NDUFS4: variants seen among roughly 807,000 people sequenced by gnomAD.
NDUFS4 encodes the protein NADH dehydrogenase [ubiquinone] iron-sulfur protein 4, mitochondrial.
In NDUFS4, 28 loss-of-function variants were observed where a neutral mutation model predicts 24.3. The observed-to-expected ratio is 1.15, with a 90% CI of 0.85 to 1.58. NDUFS4 has a LOEUF of 1.58. NDUFS4 is among the 40% of genes most tolerant of loss of function. The probability of loss-of-function intolerance (pLI) is 0.00; values close to 1 mark genes in which losing one functional copy is unlikely to be tolerated. For missense variants in NDUFS4, 223 were observed against 207.9 expected, an observed-to-expected ratio of 1.07 and a Z score of -0.45; for synonymous variants, 93 against 69.7, an observed-to-expected ratio of 1.34 and a Z score of -1.67.
intron 2 of NDUFS4, among the ~76,000 whole-genome samples, chr5:53,621,688 A>G (rs1421777230): frequency 7.4e-6 from 1 of 135,900 alleles, no homozygotes; most frequent in Non-Finnish European, 1.5e-5. Flanking sequence ...ACCTCATAGT[A>G]AATTTTTTTT....
chr5:53,591,141 G>T (rs1749943246), intron 1 of NDUFS4, among the ~76,000 whole-genome samples: 1 of 152,068 alleles, frequency 6.6e-6, no homozygotes, highest in South Asian at 2.1e-4. Flanking sequence ...ATATTCAATT[G>T]TATGTATATA....
intron 1 of NDUFS4, among the ~76,000 whole-genome samples, chr5:53,578,396 A>G (rs1749453662): frequency 6.6e-6 from 1 of 152,124 alleles, no homozygotes; most frequent in Non-Finnish European, 1.5e-5. Context: ...GGGAAAGACT[A>G]CTTTCTAGAA....
chr5:53,606,877 A>G (rs189537325), intron 2 of NDUFS4, among the ~76,000 whole-genome samples: 288 of 152,338 alleles, frequency 1.9e-3, no homozygotes, highest in Admixed American at 4.2e-3. Context: ...TTTGCATATA[A>G]CCTATGCATA....
intron 1 of NDUFS4, among the ~76,000 whole-genome samples, chr5:53,593,403 G>C (rs1035787837): frequency 6.9e-6 from 1 of 145,622 alleles, no homozygotes; most frequent in African/African-American, 2.5e-5. Context: ...TTAGGGCTTT[G>C]TCTCTCTCTC....
chr5:53,632,105 T>C (rs1391593397), intron 2 of NDUFS4, among the ~76,000 whole-genome samples: 1 of 152,218 alleles, frequency 6.6e-6, no homozygotes, highest in Non-Finnish European at 1.5e-5. Context: ...AAATCACCCA[T>C]CTTCTGCATC....
chr5:53,627,493 T>C (rs1029333075), intron 2 of NDUFS4, among the ~76,000 whole-genome samples: 3 of 152,224 alleles, frequency 2.0e-5, no homozygotes, highest in African/African-American at 4.8e-5. Context: ...TTTCACGATA[T>C]TGATTCTTCC....
At chr5:53,648,268 G>A (rs1213518758) in intron 3 of NDUFS4, among the ~76,000 whole-genome samples, 2 of 152,096 alleles carry the variant, frequency 1.3e-5, no homozygotes, top group Non-Finnish European at 2.9e-5. Context: ...GTCCCTCAAA[G>A]CCCATAATTG....
intron 1 of NDUFS4, among the ~76,000 whole-genome samples, chr5:53,586,674 C>T (rs1377704215): frequency 6.6e-6 from 1 of 152,120 alleles, no homozygotes; most frequent in Non-Finnish European, 1.5e-5. Flanking sequence ...TTGCGTCCAC[C>T]ACCATGCCTG....
At chr5:53,632,951 C>A (rs981127104) in intron 2 of NDUFS4, among the ~76,000 whole-genome samples, 1 of 152,136 alleles carries the variant, frequency 6.6e-6, no homozygotes, top group Non-Finnish European at 1.5e-5. Flanking sequence ...TCTCAATTCT[C>A]TTTATAAAAC....
At chr5:53,682,642 T>TG (rs1168113659) in intron 4 of NDUFS4, among the ~76,000 whole-genome samples, 1 of 152,094 alleles carries the variant, frequency 6.6e-6, no homozygotes, top group African/African-American at 2.4e-5. Flanking sequence ...AGTACACACA[T>TG]GCACCCATAC....
chr5:53,658,132 T>C (rs1164820201), intron 3 of NDUFS4, among the ~76,000 whole-genome samples: 1 of 152,058 alleles, frequency 6.6e-6, no homozygotes, highest in Non-Finnish European at 1.5e-5. Flanking sequence ...AAAAGGAGAC[T>C]CAGAAGAAGT....
At chr5:53,605,598 A>G (rs1750473382) in intron 2 of NDUFS4, among the ~76,000 whole-genome samples, 1 of 152,094 alleles carries the variant, frequency 6.6e-6, no homozygotes, top group Admixed American at 6.5e-5. Context: ...GCTTTGTTAT[A>G]CCTTTCTTGA....
chr5:53,613,848 C>G (rs1340582736), intron 2 of NDUFS4, among the ~76,000 whole-genome samples: 1 of 151,714 alleles, frequency 6.6e-6, no homozygotes, highest in Non-Finnish European at 1.5e-5. Flanking sequence ...TGAAAAATAC[C>G]AGACTCAAGT....
At chr5:53,671,304 T>G (rs1740232032) in intron 4 of NDUFS4, among the ~76,000 whole-genome samples, 1 of 152,082 alleles carries the variant, frequency 6.6e-6, no homozygotes, top group South Asian at 2.1e-4. Flanking sequence ...TTTGCATAGC[T>G]CTCTCTTCTT....
chr5:53,600,134 G>A (rs968520367), intron 1 of NDUFS4, among the ~76,000 whole-genome samples: 1 of 151,720 alleles, frequency 6.6e-6, no homozygotes, highest in Non-Finnish European at 1.5e-5. Context: ...CGAGTAGCTG[G>A]GGTTACAGGC....
At chr5:53,560,844 GCC>G in intron 1 of NDUFS4, 84 bp downstream of exon 1, 1 of 1,601,620 alleles carries the variant, frequency 6.2e-7, no homozygotes, top group Non-Finnish European at 8.5e-7. Context: ...TCCGGAGGAG[GCC>G]TCGGGGAAGG....
rs184476559 is a variant in NDUFS4 at position 53,576,688 on chromosome 5, A to G, written c.98+15928A>G. Among the ~76,000 whole-genome samples, 23 of 152,342 alleles carry G rather than the reference A, an allele frequency of 1.5e-4. No homozygotes were observed. In the East Asian group the frequency reaches 4.2e-3, roughly 28 times the overall value. ...CTGCTGTATCGTATGAATATAGATCATAGGAACCTTGAGAGTGAGATGTAA... is the reference window on the plus strand; with the variant it reads ...CTGCTGTATCGTATGAATATAGATCGTAGGAACCTTGAGAGTGAGATGTAA... On this transcript the variant is annotated intron_variant, in intron 1 of 4. Coordinates refer to ENST00000296684, the MANE Select transcript of NDUFS4 (RefSeq NM_002495.4).
intron 3 of NDUFS4, among the ~76,000 whole-genome samples, chr5:53,648,421 G>T (rs1751924422): frequency 6.6e-6 from 1 of 152,202 alleles, no homozygotes; most frequent in African/African-American, 2.4e-5. Context: ...TCATATGTAA[G>T]ATAATTTTCC....
At chr5:53,605,874 C>T (rs910773741) in intron 2 of NDUFS4, among the ~76,000 whole-genome samples, 2 of 152,028 alleles carry the variant, frequency 1.3e-5, no homozygotes, top group African/African-American at 4.8e-5. Flanking sequence ...ATTTGCTGGG[C>T]GTGGCGGTGT....
Sources: gnomAD v4.1 joint callset for allele counts (sites outside exome capture counted in the v4.1 genomes callset) on GRCh38, gnomAD v4.1.1 for gene constraint, MANE v1.5 for transcripts, NCBI Gene and HGNC (gene_info 2026-07-23, HGNC 2026-07-21) for gene names.